The following IRS2 variants were observed in gnomAD, a reference collection of about 807,000 sequenced individuals.
IRS2 encodes insulin receptor substrate 2.
A neutral mutation model predicts 70.9 loss-of-function variants in IRS2; 28 were observed. The observed-to-expected ratio is 0.39, with a 90% confidence interval of 0.29 to 0.54. The LOEUF (loss-of-function observed/expected upper bound fraction) is 0.54, where lower values mean the gene tolerates loss of function less well. Among genes scored for constraint, IRS2 ranks in the 20% least tolerant of loss-of-function variants. IRS2 has a pLI of 0.59. For missense variants in IRS2, 2,081 were observed against 2,024.1 expected (o/e 1.03, Z -0.54); for synonymous variants, 1,217 against 981.9 (o/e 1.24, Z -4.48).
Position 109,755,661 on chromosome 13 carries a change from A to C in IRS2, c.*643T>G. The C allele has an allele frequency of 4.9e-6, 1 of 202,216 alleles. No individual in the cohort carries two copies. The highest frequency in any genetic ancestry group is 6.0e-5 in the Admixed American group (1 of 16,628). The allele number at this position is 202,216 out of a possible 1,614,324, so 12.5% of individuals were successfully genotyped here. ...AATTTCACTTCCATTGAGAAATGTC[A>C]GTCCCACACTGGGCTCGGTGTGGAC... On this transcript the variant is annotated 3_prime_UTR_variant, in exon 2 of 2. Transcript: ENST00000375856.
rs1877721672 is a variant in IRS2, at chr13:109,782,145, G to A, written c.3909C>T (p.Gly1303=). The A allele has an allele frequency of 6.4e-7, 1 of 1,567,620 alleles. No individual in the cohort carries two copies. ...CGGGACCCGGCCCCCCGCACCCGCCGCCGGTGCTGCCGACGCCCACAGCGC... is the reference window on the plus strand; with the variant it reads ...CGGGACCCGGCCCCCCGCACCCGCCACCGGTGCTGCCGACGCCCACAGCGC... ...LISAVGVGST[G]GGCGGPGPGA... The change falls in exon 1 of 2, where the codon GGC becomes GGT. Residue 1303 remains glycine, a synonymous_variant. Transcript: ENST00000375856.
intron 1 of IRS2, 59 bp from the exon 2 acceptor site, chr13:109,756,367 A>C: frequency 6.7e-7 from 1 of 1,502,084 alleles, no homozygotes; most frequent in Non-Finnish European, 9.3e-7. Flanking sequence ...CAATCTCTGG[A>C]GTTCCAGAAA....
intron 1 of IRS2, among the ~76,000 whole-genome samples, chr13:109,774,495 CTA>C (rs1258965749): frequency 1.3e-5 from 2 of 152,144 alleles, no homozygotes; most frequent in Admixed American, 6.5e-5. Context: ...AGATGATTAA[CTA>C]TCACTCCAGC....
In IRS2 at chr13:109,786,207, G is replaced by T; in HGVS notation, c.-154C>A. Reference sequence around the variant, plus strand: ...CGGGCCCAGGCGGTGGGGAAGGTCCGGGGAGGCCCGCGGGGGCCAGCACCG... The same window carrying T: ...CGGGCCCAGGCGGTGGGGAAGGTCCTGGGAGGCCCGCGGGGGCCAGCACCG... On this transcript the variant is annotated 5_prime_UTR_variant, in exon 1 of 2. Coordinates refer to ENST00000375856, the MANE Select transcript of IRS2 (RefSeq NM_003749.3). The surrounding 1 kb of genome is among the most constrained non-coding windows in gnomAD (Gnocchi z 4.4). 3.7e-6 allele frequency: 1 copy of T among 268,832 alleles called. No individual in the cohort carries two copies. Among genetic ancestry groups the T allele is most frequent in the Non-Finnish European group, 5.6e-6 (1 of 177,540 alleles). The allele number at this position is 268,832 out of a possible 1,614,324, so 16.7% of individuals were successfully genotyped here. A position where few individuals can be genotyped will look rare whatever the true frequency, so the allele number is the denominator to read the frequency against.
At chr13:109,762,589 G>A (rs752935284) in intron 1 of IRS2, among the ~76,000 whole-genome samples, 22 of 152,082 alleles carry the variant, frequency 1.4e-4, no homozygotes, top group Non-Finnish European at 2.6e-4. Flanking sequence ...AACTCTCCTC[G>A]AAGGACATTA....
At chr13:109,774,003 C>T (rs544484645) in intron 1 of IRS2, among the ~76,000 whole-genome samples, 3 of 152,356 alleles carry the variant, frequency 2.0e-5, no homozygotes, top group South Asian at 4.1e-4. Context: ...CCGGACCTCA[C>T]ACAGCCTCTG....
chr13:109,769,992 T>C (rs1486488827), intron 1 of IRS2, among the ~76,000 whole-genome samples: 2 of 152,212 alleles, frequency 1.3e-5, no homozygotes, highest in East Asian at 3.9e-4. Context: ...TTCTGAAAAC[T>C]GCAAAAGGTG....
intron 1 of IRS2, among the ~76,000 whole-genome samples, chr13:109,777,729 T>A (rs1031822503): frequency 6.6e-6 from 1 of 152,250 alleles, no homozygotes; most frequent in Non-Finnish European, 1.5e-5. Flanking sequence ...TTTCATCTTG[T>A]CAACATCTCT....
Position 109,782,376 on chromosome 13 carries a change from C to T in IRS2, c.3678G>A (p.Gly1226=). Residue 1226 remains glycine (G), a synonymous_variant, in exon 1 of 2, where the codon GGG becomes GGA. Coordinates refer to ENST00000375856, the MANE Select transcript of IRS2 (RefSeq NM_003749.3). ...QGRPWTPGQP[G]GLVGCPGSGG... ...CGCTCCCAGGACAACCGACCAAGCCCCCGGGCTGACCCGGGGTCCACGGCC... is the reference window on the plus strand; with the variant it reads ...CGCTCCCAGGACAACCGACCAAGCCTCCGGGCTGACCCGGGGTCCACGGCC... 6.2e-7 allele frequency: 1 copy of T among 1,610,632 alleles called. No individual in the cohort carries two copies. Among genetic ancestry groups the T allele is most frequent in the Non-Finnish European group, 8.5e-7 (1 of 1,178,908 alleles).
Position 109,753,569 on chromosome 13 carries a change from G to A in IRS2, c.*2735C>T, listed in dbSNP as rs1170303423. On this transcript the variant is annotated 3_prime_UTR_variant, in exon 2 of 2. Coordinates refer to ENST00000375856, the MANE Select transcript of IRS2 (RefSeq NM_003749.3). ...CTATCAAGAAGTTAATATTTGTTAT[G>A]TATTTAGAATGGCATCCAGCACGTC... 6.4e-6 allele frequency: 1 copy of A among 157,428 alleles called. No individual in the cohort carries two copies. Among genetic ancestry groups the A allele is most frequent in the African/African-American group, 2.4e-5 (1 of 41,630 alleles). 9.8% of individuals were successfully genotyped at this position (157,428 alleles called of 1,614,324 possible). A position where few individuals can be genotyped will look rare whatever the true frequency, so the allele number is the denominator to read the frequency against.
Position 109,785,113 on chromosome 13 carries a change from G to T in IRS2, c.941C>A (p.Thr314Lys). Residue 314 changes from threonine to lysine, a missense_variant, in exon 1 of 2, where the codon ACG becomes AAG. By Grantham distance (78) the Thr-to-Lys change is moderately conservative. Coordinates refer to ENST00000375856, the MANE Select transcript of IRS2 (RefSeq NM_003749.3). The surrounding 1 kb of genome is among the most constrained non-coding windows in gnomAD (Gnocchi z 9.3). ...SKSQSSGSSA[T>K]HPISVPGARR... ...CGCGCCGGGGACGCTGATGGGGTGC[G>T]TGGCCGACGACCCCGACGATTGGCT... 1 of 1,591,970 alleles carries T rather than the reference G, an allele frequency of 6.3e-7. No individual in the cohort carries two copies. Among genetic ancestry groups the T allele is most frequent in the Non-Finnish European group, 8.5e-7 (1 of 1,170,320 alleles).
At chr13:109,766,755 T>A (rs187044349) in intron 1 of IRS2, among the ~76,000 whole-genome samples, 43 of 101,730 alleles carry the variant, frequency 4.2e-4, no homozygotes, top group Middle Eastern at 7.0e-3. Context: ...CCCAGCCTCA[T>A]CCACCCTGAC....
At position 109,782,791 on chromosome 13, in the gene IRS2, G is replaced by A. The variant is rs746947070; in HGVS notation, c.3263C>T (p.Ala1088Val). 8 of 1,602,556 alleles carry A rather than the reference G, an allele frequency of 5.0e-6. No individual in the cohort carries two copies. Among genetic ancestry groups the A allele is most frequent in the Non-Finnish European group, 5.1e-6 (6 of 1,175,720 alleles). Residue 1088 changes from alanine to valine, a missense_variant, in exon 1 of 2, where the codon GCG (alanine) becomes GTG (valine). Physicochemically the swap from Ala to Val is moderately conservative, Grantham distance 64. Around this residue, in one of 4 missense-constraint regions of IRS2, gnomAD observed 1,615 missense variants for 1,459.5 expected, o/e 1.11. Coordinates refer to ENST00000375856, the MANE Select transcript of IRS2 (RefSeq NM_003749.3). The stretch of plus-strand genomic sequence containing the variant: ...GGCAGCTTCTGGCTTCGGGGGGGCC[G>A]CGATAGGTTGCGGCGGGGTGGCGGC... ...GVAATPPQPI[A>V]APPKPEAARV...
At chr13:109,763,745 T>A (rs1343040783) in intron 1 of IRS2, among the ~76,000 whole-genome samples, 1 of 152,234 alleles carries the variant, frequency 6.6e-6, no homozygotes, top group African/African-American at 2.4e-5. Flanking sequence ...TCTAAAAAAA[T>A]TTTATGTACA....
chr13:109,768,283 A>C lies in IRS2; in HGVS notation c.4013-11975T>G, dbSNP rs958605233. Among the ~76,000 whole-genome samples the C allele has an allele frequency of 2.0e-5, 3 of 152,192 alleles. 1 individual carries two copies. Among genetic ancestry groups the C allele is most frequent in the Non-Finnish European group, 4.4e-5 (3 of 68,040 alleles). On this transcript the variant is annotated intron_variant, in intron 1 of 1. Transcript: ENST00000375856. ...AGCCTAAATTCTGAAGATAGACCTA[A>C]ATGCTCAACCACATTTTTAAAATTA...
chr13:109,784,440 C>T lies in IRS2; in HGVS notation c.1614G>A (p.Glu538=), dbSNP rs2138935775. 1 of 1,589,732 alleles carries T rather than the reference C, an allele frequency of 6.3e-7. No individual in the cohort carries two copies. The highest frequency in any genetic ancestry group is 8.6e-7 in the Non-Finnish European group (1 of 1,164,846). The change falls in exon 1 of 2, where the codon GAG becomes GAA. Residue 538 remains glutamate, a synonymous_variant. Coordinates refer to ENST00000375856, the MANE Select transcript of IRS2 (RefSeq NM_003749.3). This position sits in a 1 kb window ranked among gnomAD's most constrained non-coding sequence, Gnocchi z 5.2. ...TGTCCATGGTCATGTACCCGTAGAA[C>T]TCACCGCCGCCGCCGCCGTCTCGGG... ...PPARDGGGGG[E]FYGYMTMDRP... is the part of the protein sequence containing the mutation.
chr13:109,756,939 G>A (rs1255685837), intron 1 of IRS2, among the ~76,000 whole-genome samples: 5 of 152,112 alleles, frequency 3.3e-5, no homozygotes, highest in Non-Finnish European at 4.4e-5. Context: ...ATGTGTTGTT[G>A]CATAACCCTC....
chr13:109,764,876 G>T (rs144812781), intron 1 of IRS2, among the ~76,000 whole-genome samples: 55 of 152,358 alleles, frequency 3.6e-4, no homozygotes, highest in Middle Eastern at 3.4e-3. Context: ...GTTTTAATTG[G>T]ACAGAAGTGG....
chr13:109,760,809 T>A (rs553737659), intron 1 of IRS2, among the ~76,000 whole-genome samples: 1 of 152,162 alleles, frequency 6.6e-6, no homozygotes, highest in Non-Finnish European at 1.5e-5. Context: ...CTAGAAAACA[T>A]TGTGATTAAG....
Sources: allele counts gnomAD v4.1 joint callset (sites outside exome capture counted in the v4.1 genomes callset), GRCh38; gene constraint gnomAD v4.1.1; regional missense constraint gnomAD v4.1.1; non-coding constraint Gnocchi (gnomAD v3.1); transcripts MANE v1.5; gene names NCBI Gene and HGNC (gene_info 2026-07-23, HGNC 2026-07-21).